The following SLC15A2 variants were observed in gnomAD, a reference collection of about 807,000 sequenced individuals.
The protein encoded by SLC15A2 is kidney H(+)/peptide cotransporter.
Under a neutral mutation model 95.5 loss-of-function variants are expected in SLC15A2, and 77 were observed. The ratio of observed to expected loss-of-function variants is 0.81; its 90% confidence interval spans 0.67 to 0.97. SLC15A2 has a LOEUF of 0.97. Ranked by LOEUF, SLC15A2 falls within the 50% of genes least tolerant of loss-of-function variation. SLC15A2 has a pLI of 0.00. For synonymous variants in SLC15A2, 306 were observed against 306.9 expected (o/e 1.00, Z 0.03); for missense variants, 893 against 874.4 (o/e 1.02, Z -0.27).
At chr3:121,915,757 T>C (rs1289556914) in intron 7 of SLC15A2, 64 bp downstream of exon 7, 5 of 1,143,742 alleles carry the variant, frequency 4.4e-6, no homozygotes, top group Admixed American at 1.7e-5. Context: ...AAGCATCATG[T>C]AGGCACTTTA....
At chr3:121,910,192 C>CT (rs35492489) in intron 3 of SLC15A2, among the ~76,000 whole-genome samples, 34,001 of 125,776 alleles carry the variant, frequency 0.27, 5,330 homozygotes, top group Admixed American at 0.35. Flanking sequence ...AGTCACCTAA[C>CT]TTTTTTTTTT....
intron 1 of SLC15A2, among the ~76,000 whole-genome samples, chr3:121,894,959 CAG>C (rs1207330783): frequency 2.6e-5 from 4 of 152,222 alleles, no homozygotes; most frequent in Admixed American, 6.5e-5. Context: ...TCCCTGTGTG[CAG>C]AGTCTTCTGC....
At chr3:121,927,543 C>T (rs1221366744) in intron 13 of SLC15A2, 2 of 460,878 alleles carry the variant, frequency 4.3e-6, no homozygotes, top group Non-Finnish European at 3.9e-6. Flanking sequence ...GATGCTTCAC[C>T]AGAAGCTGGA....
At chr3:121,900,445 T>C (rs9835875) in intron 3 of SLC15A2, among the ~76,000 whole-genome samples, 69,252 of 151,962 alleles carry the variant, frequency 0.46, 16,377 homozygotes, top group East Asian at 0.69. Flanking sequence ...TGAGCATATA[T>C]GCTACTGCCA....
At chr3:121,898,219 C>T (rs1453234592) in intron 3 of SLC15A2, among the ~76,000 whole-genome samples, 1 of 151,818 alleles carries the variant, frequency 6.6e-6, no homozygotes. Context: ...ATACTTTCTC[C>T]ATCTCTTCTC....
intron 7 of SLC15A2, among the ~76,000 whole-genome samples, 169 bp downstream of exon 7, chr3:121,915,862 G>A (rs1481413600): frequency 2.6e-5 from 4 of 152,190 alleles, no homozygotes; most frequent in African/African-American, 9.7e-5. Flanking sequence ...TCTGAATGAA[G>A]TCAGAAACTT....
chr3:121,929,099 T>C lies in SLC15A2; in HGVS notation c.1459T>C (p.Tyr487His). 12 of 1,614,068 alleles carry C rather than the reference T, an allele frequency of 7.4e-6. No individual in the cohort carries two copies. The highest frequency in any genetic ancestry group is 1.0e-5 in the Non-Finnish European group (12 of 1,179,936). ...GCATTCTGTGCAGGAGAAGAACTGG[T>C]ACAGTCTTGTCATTCGTGAAGATGG... ...TEHSVQEKNW[Y>H]SLVIREDGNS... Residue 487 changes from tyrosine (Y) to histidine (H), a missense_variant, in exon 16 of 22, where the codon TAC (tyrosine) becomes CAC (histidine). Tyr to His is a moderately conservative substitution (Grantham distance 83). Coordinates refer to ENST00000489711, the MANE Select transcript of SLC15A2 (RefSeq NM_021082.4).
rs575030069 is a variant in SLC15A2 at position 121,941,820 on chromosome 3, C to G, written c.*813C>G. 17 of 152,246 alleles carry G rather than the reference C, an allele frequency of 1.1e-4. No homozygotes were observed. The highest frequency in any genetic ancestry group is 3.9e-4 in the African/African-American group (16 of 41,542). The allele number at this position is 152,246 out of a possible 1,614,324, so 9.4% of individuals were successfully genotyped here. On this transcript the variant is annotated 3_prime_UTR_variant, in exon 22 of 22. Coordinates refer to ENST00000489711, the MANE Select transcript of SLC15A2 (RefSeq NM_021082.4). ...TTAGCCTCTATGGCGCTGGTCTATG[C>G]CCTTCAGTGAACAGTTGTATAAACA...
At chr3:121,938,593 G>A (rs969269035) in intron 19 of SLC15A2, among the ~76,000 whole-genome samples, 8 of 152,170 alleles carry the variant, frequency 5.3e-5, no homozygotes, top group African/African-American at 1.2e-4. Flanking sequence ...CGCACTTCCC[G>A]AGTGAGGCAA....
intron 3 of SLC15A2, among the ~76,000 whole-genome samples, chr3:121,908,426 C>T (rs781717472): frequency 1.3e-5 from 2 of 152,210 alleles, no homozygotes; most frequent in Non-Finnish European, 2.9e-5. Context: ...GAGCCAGGTA[C>T]CTCAGTTGGA....
At chr3:121,940,330 G>T (rs1224130437) in intron 20 of SLC15A2, 54 bp from the exon 21 acceptor site, 2 of 1,343,624 alleles carry the variant, frequency 1.5e-6, no homozygotes, top group Admixed American at 3.4e-5. Flanking sequence ...GGATGCATGG[G>T]GCATGAGGGC....
intron 7 of SLC15A2, among the ~76,000 whole-genome samples, chr3:121,916,107 G>C (rs1709890202): frequency 6.6e-6 from 1 of 152,142 alleles, no homozygotes; most frequent in Non-Finnish European, 1.5e-5. Context: ...CTGGTAATTG[G>C]AAAAGATTTT....
At position 121,923,250 on chromosome 3, in the gene SLC15A2, G is replaced by A; in HGVS notation, c.986G>A (p.Arg329Lys). 6.2e-7 allele frequency: 1 copy of A among 1,613,972 alleles called. No individual in the cohort carries two copies. Among genetic ancestry groups the A allele is most frequent in the East Asian group, 2.2e-5 (1 of 44,886 alleles). ...QGSRWTLQAI[R>K]MNRNLGFFVL... ...TCACGATGGACTTTGCAAGCCATCA[G>A]GATGAATAGGAATTTGGTGAGTAGA... The change falls in exon 11 of 22, where the codon AGG becomes AAG. Residue 329 changes from arginine to lysine, a missense_variant. Physicochemically the swap from Arg to Lys is conservative, Grantham distance 26 (BLOSUM62 2). Transcript: ENST00000489711.
chr3:121,938,258 G>A (rs929659700), intron 19 of SLC15A2, among the ~76,000 whole-genome samples: 3 of 152,340 alleles, frequency 2.0e-5, no homozygotes, highest in Admixed American at 6.5e-5. Context: ...GCCTACAGAG[G>A]CAGGCAGGCC....
intron 2 of SLC15A2, 100 bp downstream of exon 2, chr3:121,896,593 C>T: frequency 2.1e-6 from 2 of 931,512 alleles, no homozygotes; most frequent in Admixed American, 1.8e-5. Flanking sequence ...TTCCCGAGTC[C>T]ACTCTTTCTG....
intron 6 of SLC15A2, 134 bp from the exon 7 acceptor site, chr3:121,915,482 G>A: frequency 1.3e-6 from 1 of 792,328 alleles, no homozygotes. Flanking sequence ...CTATGGATTA[G>A]GTGATGGGAG....
At chr3:121,903,736 C>T (rs1433562737) in intron 3 of SLC15A2, among the ~76,000 whole-genome samples, 1 of 152,170 alleles carries the variant, frequency 6.6e-6, no homozygotes, top group African/African-American at 2.4e-5. Flanking sequence ...CAGTACCATG[C>T]TGTTTTGGTT....
At chr3:121,900,807 T>C (rs1709506015) in intron 3 of SLC15A2, among the ~76,000 whole-genome samples, 2 of 151,960 alleles carry the variant, frequency 1.3e-5, no homozygotes, top group African/African-American at 4.8e-5. Context: ...TAATATAGTG[T>C]TTTCTGAGTT....
At chr3:121,928,809 G>C (rs1881999) in intron 15 of SLC15A2, among the ~76,000 whole-genome samples, 173 bp from the exon 16 acceptor site, 67,795 of 151,830 alleles carry the variant, frequency 0.45, 15,671 homozygotes, top group East Asian at 0.69. Context: ...TTTATGCATG[G>C]CTCTGATTAT....
Sources: gnomAD v4.1 joint callset for allele counts (sites outside exome capture counted in the v4.1 genomes callset) on GRCh38, gnomAD v4.1.1 for gene constraint, MANE v1.5 for transcripts, NCBI Gene and HGNC (gene_info 2026-07-23, HGNC 2026-07-21) for gene names.